ABCC4: variants seen among roughly 807,000 people sequenced by gnomAD.
ABCC4 encodes the protein ATP-binding cassette sub-family C member 4.
In ABCC4, 102 loss-of-function variants were observed where a neutral mutation model predicts 168.5. That is an observed-to-expected ratio of 0.61 (90% CI 0.52 to 0.71). The LOEUF (loss-of-function observed/expected upper bound fraction) is 0.71, where lower values mean the gene tolerates loss of function less well. Among genes scored for constraint, ABCC4 ranks in the 30% least tolerant of loss-of-function variants. The pLI, the probability that ABCC4 is intolerant of heterozygous loss-of-function variation, is 0.00. For missense variants in ABCC4, 1,402 were observed against 1,605.8 expected (o/e 0.87, Z 2.17); for synonymous variants, 617 against 590.7 (o/e 1.04, Z -0.65).
intron 30 of ABCC4, 55 bp from the exon 31 acceptor site, chr13:95,021,737 T>C: frequency 8.0e-7 from 1 of 1,249,998 alleles, no homozygotes; most frequent in Non-Finnish European, 1.1e-6. Context: ...TAAAGTCTCC[T>C]CCCTGAAACA....
intron 19 of ABCC4, 146 bp from the exon 20 acceptor site, chr13:95,116,147 G>A (rs1412935680): frequency 2.5e-5 from 13 of 529,638 alleles, no homozygotes; most frequent in South Asian, 7.8e-5. Flanking sequence ...CAGTGGTAAA[G>A]AAAAAGAAAA....
At chr13:95,241,343 G>A (rs2039938330) in intron 3 of ABCC4, among the ~76,000 whole-genome samples, 1 of 144,430 alleles carries the variant, frequency 6.9e-6, no homozygotes, top group Non-Finnish European at 1.5e-5. Context: ...CCAGCCTGGT[G>A]ACAGAATGAG....
intron 17 of ABCC4, 111 bp from the exon 18 acceptor site, chr13:95,163,327 T>C (rs1243260725): frequency 1.3e-6 from 1 of 764,450 alleles, no homozygotes; most frequent in African/African-American, 1.8e-5. Context: ...TGGAAAATGA[T>C]TCTCAGCTCA....
chr13:95,118,194 T>C (rs1452219905), intron 19 of ABCC4, among the ~76,000 whole-genome samples: 2 of 152,146 alleles, frequency 1.3e-5, no homozygotes, highest in Non-Finnish European at 2.9e-5. Flanking sequence ...GTTCAATAGT[T>C]ACTTCCTTGT....
chr13:95,021,367 T>C lies in ABCC4; in HGVS notation c.*208A>G. ...TGGCCTGCACCTCTGATTTGGATTT[T>C]AAAAAACAACTATTGACATTTAAAT... On this transcript the variant is annotated 3_prime_UTR_variant, in exon 31 of 31. Coordinates refer to ENST00000645237, the MANE Select transcript of ABCC4 (RefSeq NM_005845.5). 2.0e-6 allele frequency: 1 copy of C among 491,156 alleles called. No homozygotes were observed. The highest frequency in any genetic ancestry group is 3.7e-5 in the Admixed American group (1 of 26,818). 30.4% of individuals were successfully genotyped at this position (491,156 alleles called of 1,614,324 possible).
Position 95,170,519 on chromosome 13 carries a change from A to G in ABCC4, c.1824+13T>C. 3 of 1,585,948 alleles carry G rather than the reference A, an allele frequency of 1.9e-6. No homozygotes were observed. The highest frequency in any genetic ancestry group is 1.1e-5 in the South Asian group (1 of 88,424). ...GTACTTGCAAGTTCGGGAGACCTCT[A>G]GAAACTACTTACATCTTTCAATATC... On this transcript the variant is annotated intron_variant, in intron 14 of 30. Transcript: ENST00000645237.
intron 27 of ABCC4, among the ~76,000 whole-genome samples, chr13:95,050,246 C>T (rs1027690143): frequency 6.6e-6 from 1 of 152,312 alleles, no homozygotes; most frequent in Non-Finnish European, 1.5e-5. Context: ...CCTCAGACTC[C>T]ACGGACCCCA....
chr13:95,075,255 C>T (rs1015875701), intron 22 of ABCC4, 177 bp downstream of exon 22: 21 of 766,154 alleles, frequency 2.7e-5, no homozygotes, highest in Middle Eastern at 6.5e-4. Flanking sequence ...GCAGCGATTC[C>T]GAGAGGAGTC....
chr13:95,045,516 A>G (rs2032539117), intron 27 of ABCC4, among the ~76,000 whole-genome samples: 1 of 152,212 alleles, frequency 6.6e-6, no homozygotes, highest in Non-Finnish European at 1.5e-5. Context: ...TTTTGCAGTG[A>G]ATGAAAACTC....
chr13:95,278,582 C>G (rs771237803), intron 1 of ABCC4, among the ~76,000 whole-genome samples: 1 of 151,954 alleles, frequency 6.6e-6, no homozygotes, highest in African/African-American at 2.4e-5. Context: ...ATTGCATGAG[C>G]CAGGGAGTTT....
At chr13:95,064,666 G>A (rs958788255) in intron 25 of ABCC4, among the ~76,000 whole-genome samples, 1 of 152,024 alleles carries the variant, frequency 6.6e-6, no homozygotes, top group Non-Finnish European at 1.5e-5. Context: ...CTGGACATTT[G>A]TAGGCCATTA....
chr13:95,056,975 G>A (rs1361811072), intron 26 of ABCC4, among the ~76,000 whole-genome samples: 2 of 152,188 alleles, frequency 1.3e-5, no homozygotes, highest in Non-Finnish European at 2.9e-5. Flanking sequence ...TGTGCCAGTA[G>A]GATTGGAGGA....
At chr13:95,094,792 C>A (rs1215771727) in intron 20 of ABCC4, among the ~76,000 whole-genome samples, 2 of 149,928 alleles carry the variant, frequency 1.3e-5, no homozygotes, top group African/African-American at 4.9e-5. Flanking sequence ...GGAGTAATAT[C>A]CAGAGTCTAC....
intron 2 of ABCC4, 120 bp downstream of exon 2, chr13:95,247,523 G>A (rs549088223): frequency 1.4e-6 from 1 of 717,514 alleles, no homozygotes; most frequent in East Asian, 2.7e-5. Context: ...TGAGGAAGGT[G>A]ACACATATTC....
intron 19 of ABCC4, among the ~76,000 whole-genome samples, chr13:95,125,802 T>G (rs760492189): frequency 2.3e-4 from 35 of 152,168 alleles, no homozygotes; most frequent in Non-Finnish European, 4.1e-4. Context: ...ATTTTACATT[T>G]GCTAAAAAGA....
At chr13:95,064,622 C>T (rs1292675166) in intron 25 of ABCC4, among the ~76,000 whole-genome samples, 1 of 151,832 alleles carries the variant, frequency 6.6e-6, no homozygotes. Context: ...CTCATGTTAT[C>T]AGCTCTATGG....
chr13:95,218,969 G>GAAAGAAAGAAAGAAAGAAAA (rs2039221042), intron 4 of ABCC4, among the ~76,000 whole-genome samples: 3 of 37,382 alleles, frequency 8.0e-5, no homozygotes, highest in African/African-American at 3.0e-4. Context: ...AAGAAAGAAA[G>GAAAGAAAGAAAGAAAGAAAA]AAAGAAAGAA....
At chr13:95,052,023 C>T (rs1189450) in intron 27 of ABCC4, among the ~76,000 whole-genome samples, 86,130 of 150,756 alleles carry the variant, frequency 0.57, 25,131 homozygotes, top group South Asian at 0.75. Flanking sequence ...CTCTGTCGCC[C>T]AGATGGGAGT....
At chr13:95,242,035 A>T (rs1042053356) in intron 3 of ABCC4, among the ~76,000 whole-genome samples, 6 of 152,122 alleles carry the variant, frequency 3.9e-5, no homozygotes, top group Non-Finnish European at 7.3e-5. Flanking sequence ...CACACAAAAA[A>T]AATTGGCAAC....
Sources: gnomAD v4.1 joint callset for allele counts (sites outside exome capture counted in the v4.1 genomes callset) on GRCh38, gnomAD v4.1.1 for gene constraint, MANE v1.5 for transcripts, NCBI Gene and HGNC (gene_info 2026-07-23, HGNC 2026-07-21) for gene names.